PRKCZ: variants seen among roughly 807,000 people sequenced by gnomAD.
The protein encoded by PRKCZ is protein kinase C zeta, also known as protein kinase C zeta type.
In PRKCZ, 33 loss-of-function variants were observed where a neutral mutation model predicts 79.5. That is an observed-to-expected ratio of 0.41 (90% CI 0.31 to 0.55). PRKCZ has a LOEUF of 0.55. Ranked by LOEUF, PRKCZ falls within the 20% of genes least tolerant of loss-of-function variation. The pLI, the probability that PRKCZ is intolerant of heterozygous loss-of-function variation, is 0.19. For missense variants in PRKCZ, 578 were observed against 813.5 expected, an observed-to-expected ratio of 0.71 and a Z score of 3.52; for synonymous variants, 342 against 320.9, an observed-to-expected ratio of 1.07 and a Z score of -0.70.
At chr1:2,179,198 G>A (rs1244268010) in intron 16 of PRKCZ, among the ~76,000 whole-genome samples, 2 of 152,190 alleles carry the variant, frequency 1.3e-5, no homozygotes, top group African/African-American at 4.8e-5. Context: ...CCCACCCTCC[G>A]CCGGTCCAGG....
At chr1:2,101,211 G>C (rs997050059) in intron 4 of PRKCZ, among the ~76,000 whole-genome samples, 1 of 152,234 alleles carries the variant, frequency 6.6e-6, no homozygotes. Flanking sequence ...TTTTTAAAAG[G>C]TTTAACTTCA....
chr1:2,056,237 T>C (rs1206961419), intron 2 of PRKCZ, among the ~76,000 whole-genome samples: 4 of 152,172 alleles, frequency 2.6e-5, no homozygotes, highest in African/African-American at 9.7e-5. Context: ...GCCCTCCAAG[T>C]GGTGCCCAGG....
intron 4 of PRKCZ, chr1:2,116,447 C>T (rs1458751093): frequency 1.3e-5 from 2 of 152,158 alleles, no homozygotes; most frequent in Non-Finnish European, 2.9e-5. Flanking sequence ...TTGTTGGTTC[C>T]TGGGGGCTGT....
At chr1:2,073,700 C>T (rs907054710) in intron 4 of PRKCZ, 1 of 992,578 alleles carries the variant, frequency 1.0e-6, no homozygotes, top group Non-Finnish European at 1.2e-6. Flanking sequence ...AGCCGGGTAC[C>T]ACCCGGGCCT....
intron 16 of PRKCZ, chr1:2,182,042 A>C (rs1686711840): frequency 3.1e-5 from 11 of 350,112 alleles, no homozygotes; most frequent in African/African-American, 6.4e-5. Flanking sequence ...CCGCCCTGAC[A>C]CGTGTCCAGC....
chr1:2,055,611 G>A (rs372725617), intron 2 of PRKCZ, 49 bp downstream of exon 2: 9 of 1,582,434 alleles, frequency 5.7e-6, no homozygotes, highest in African/African-American at 2.7e-5. Context: ...AGGGGACTTC[G>A]CCAGGGCAGC....
intron 5 of PRKCZ, among the ~76,000 whole-genome samples, chr1:2,139,286 G>T (rs891882136): frequency 2.0e-5 from 3 of 152,080 alleles, no homozygotes; most frequent in Admixed American, 6.5e-5. Flanking sequence ...CAACATCAAA[G>T]ATGTTAAAAG....
Position 2,174,102 on chromosome 1 carries a change from G to T in PRKCZ, c.1405+86G>T. ...AAGGTGCAGGTGGAGGGGTCCCGCG[G>T]GTGCCTGGAGCGGCAGTGCCATGCA... On this transcript the variant is annotated intron_variant, in intron 14 of 17. Transcript: ENST00000378567. The surrounding 1 kb of genome is among the most constrained non-coding windows in gnomAD (Gnocchi z 6.2). 6.8e-7 allele frequency: 1 copy of T among 1,461,694 alleles called. No individual in the cohort carries two copies. 90.5% of individuals were successfully genotyped at this position (1,461,694 alleles called of 1,614,324 possible).
intron 4 of PRKCZ, among the ~76,000 whole-genome samples, chr1:2,133,062 G>A (rs940466151): frequency 2.6e-5 from 4 of 152,186 alleles, no homozygotes; most frequent in African/African-American, 9.7e-5. Flanking sequence ...TCACCCTGCT[G>A]GAGGCTCCCT....
At chr1:2,055,606 A>C (rs1463670685) in intron 2 of PRKCZ, 44 bp downstream of exon 2, 1 of 1,588,070 alleles carries the variant, frequency 6.3e-7, no homozygotes. Flanking sequence ...GCCTCAGGGG[A>C]CTTCGCCAGG....
chr1:2,099,589 G>A (rs956345712), intron 4 of PRKCZ, among the ~76,000 whole-genome samples: 1 of 152,228 alleles, frequency 6.6e-6, no homozygotes, highest in African/African-American at 2.4e-5. Flanking sequence ...GGAGGGGGCA[G>A]CAAGGACCCT....
Position 2,173,730 on chromosome 1 carries a change from A to G in PRKCZ, c.1286-167A>G, listed in dbSNP as rs6688610. ...GCAGGGAGGCCGAGCTGCCAGGTGG[A>G]GGTGCTGGTTCTGTTTGGGAAGTGG... On this transcript the variant is annotated intron_variant, in intron 13 of 17. Transcript: ENST00000378567. The surrounding 1 kb of genome is among the most constrained non-coding windows in gnomAD (Gnocchi z 5.7). Among the ~76,000 whole-genome samples the G allele has an allele frequency of 0.039, 5,868 of 152,146 alleles. 347 individuals carry two copies. The highest frequency in any genetic ancestry group is 0.13 in the African/African-American group (5,423 of 41,494).
Position 2,165,929 on chromosome 1 carries a change from T to A in PRKCZ, c.975-3589T>A, listed in dbSNP as rs534364537. On this transcript the variant is annotated intron_variant, in intron 10 of 17. Transcript: ENST00000378567. The surrounding 1 kb of genome is among the most constrained non-coding windows in gnomAD (Gnocchi z 4.1). ...CCCGGCCGCCCCCTAGGAGGTTTCG[T>A]GAGCTTCCAGCATCCCCCTGCGGCC... 2.6e-3 allele frequency among the ~76,000 whole-genome samples: 403 copies of A among 152,254 alleles called. 2 individuals are homozygous for A. Among genetic ancestry groups the A allele is most frequent in the African/African-American group, 9.2e-3 (383 of 41,552 alleles).
At chr1:2,072,285 AAC>A (rs1457467882) in intron 4 of PRKCZ, among the ~76,000 whole-genome samples, 1 of 152,268 alleles carries the variant, frequency 6.6e-6, no homozygotes, top group Non-Finnish European at 1.5e-5. Flanking sequence ...AATGCAGATA[AAC>A]ACAGGTTTAT....
intron 4 of PRKCZ, among the ~76,000 whole-genome samples, chr1:2,126,614 G>T (rs1365325658): frequency 6.6e-6 from 1 of 152,168 alleles, no homozygotes; most frequent in Admixed American, 6.5e-5. Context: ...AGATGAACAA[G>T]CCCAAGGTCT....
rs1380501417 is a variant in PRKCZ at position 2,082,789 on chromosome 1, C to T, written c.334+23198C>T. Among the ~76,000 whole-genome samples, 1 of 151,960 alleles carries T rather than the reference C, an allele frequency of 6.6e-6. No individual in the cohort carries two copies. The highest frequency in any genetic ancestry group is 1.5e-5 in the Non-Finnish European group (1 of 67,964). ...GGTGGCTTTGAGGACACCTGTCCTC[C>T]TTCACAGGGGCACTCCGGATGTAGT... On this transcript the variant is annotated intron_variant, in intron 4 of 17. Transcript: ENST00000378567. The surrounding 1 kb of genome is among the most constrained non-coding windows in gnomAD (Gnocchi z 4.4).
chr1:2,181,235 A>G (rs1686549939), intron 16 of PRKCZ, among the ~76,000 whole-genome samples: 1 of 152,088 alleles, frequency 6.6e-6, no homozygotes, highest in South Asian at 2.1e-4. Flanking sequence ...CGCACAAGGC[A>G]CACACCCACT....
At chr1:2,089,758 A>G (rs6699586) in intron 4 of PRKCZ, among the ~76,000 whole-genome samples, 45,612 of 151,926 alleles carry the variant, frequency 0.3, 8,499 homozygotes, top group East Asian at 0.61. Flanking sequence ...GCAACGTACC[A>G]CAGATGGCGG....
intron 4 of PRKCZ, among the ~76,000 whole-genome samples, chr1:2,071,112 C>T (rs1185338164): frequency 6.9e-6 from 1 of 145,792 alleles, no homozygotes; most frequent in Non-Finnish European, 1.5e-5. Context: ...CCTGCACTGC[C>T]AGGTTCAAAC....
Sources: allele counts gnomAD v4.1 joint callset (sites outside exome capture counted in the v4.1 genomes callset), GRCh38; gene constraint gnomAD v4.1.1; non-coding constraint Gnocchi (gnomAD v3.1); transcripts MANE v1.5; gene names NCBI Gene and HGNC (gene_info 2026-07-23, HGNC 2026-07-21).